Variants in KIAA0825 observed in about 807,000 individuals in gnomAD.
The protein encoded by KIAA0825 is KIAA0825.
KIAA0825 carries 119 observed loss-of-function variants against 147.6 expected under a neutral mutation model. That is an observed-to-expected ratio of 0.81 (90% CI 0.69 to 0.94). KIAA0825 has a LOEUF of 0.94. Among genes scored for constraint, KIAA0825 ranks in the 40% least tolerant of loss-of-function variants. The pLI, the probability that KIAA0825 is intolerant of heterozygous loss-of-function variation, is 0.00. For synonymous variants in KIAA0825, 470 were observed against 518.1 expected, an observed-to-expected ratio of 0.91 and a Z score of 1.26; for missense variants, 1,381 against 1,472.7, an observed-to-expected ratio of 0.94 and a Z score of 1.02.
At chr5:94,363,536 C>T (rs752080695) in intron 20 of KIAA0825, among the ~76,000 whole-genome samples, 11 of 152,152 alleles carry the variant, frequency 7.2e-5, no homozygotes, top group East Asian at 1.9e-4. Context: ...ATACAACATC[C>T]GCATTGTTTA....
chr5:94,247,609 A>G (rs1039460755), intron 20 of KIAA0825, among the ~76,000 whole-genome samples: 5 of 152,160 alleles, frequency 3.3e-5, no homozygotes, highest in Non-Finnish European at 7.3e-5. Context: ...CCCTTTATCC[A>G]GCACGTATTT....
At chr5:94,207,922 G>T (rs145563645) in intron 20 of KIAA0825, among the ~76,000 whole-genome samples, 2 of 152,214 alleles carry the variant, frequency 1.3e-5, no homozygotes, top group African/African-American at 4.8e-5. Context: ...AGGCATAGTT[G>T]AACAATTGCC....
chr5:94,270,510 T>C (rs1458011117), intron 20 of KIAA0825, among the ~76,000 whole-genome samples: 1 of 151,822 alleles, frequency 6.6e-6, no homozygotes, highest in Non-Finnish European at 1.5e-5. Flanking sequence ...GACTGGAACA[T>C]ATTATAAGGC....
rs1276459836 is a variant in KIAA0825, at chr5:94,218,662, C to T, written c.3711-64538G>A. On this transcript the variant is annotated intron_variant, in intron 20 of 20. Coordinates refer to ENST00000682413, the MANE Select transcript of KIAA0825 (RefSeq NM_001145678.3). ...AACATACCACAGAGTTGATTTCATG[C>T]TATGATTAAATTGGAGTGCCTTGTC... is the stretch of plus-strand genomic sequence containing the variant. 5.3e-5 allele frequency among the ~76,000 whole-genome samples: 8 copies of T among 152,164 alleles called. No individual in the cohort carries two copies. In the South Asian group the frequency reaches 1.7e-3, roughly 32 times the overall value.
intron 2 of KIAA0825, among the ~76,000 whole-genome samples, chr5:94,547,708 G>A (rs1382714964): frequency 6.8e-6 from 1 of 147,356 alleles, no homozygotes; most frequent in East Asian, 2.0e-4. Context: ...GTGCACTCCA[G>A]CCTGCACGAC....
intron 5 of KIAA0825, among the ~76,000 whole-genome samples, chr5:94,487,911 C>T (rs1005685152): frequency 1.3e-5 from 2 of 152,070 alleles, no homozygotes; most frequent in African/African-American, 4.8e-5. Context: ...CAAGATTGTG[C>T]CACTGCACTC....
At chr5:94,548,560 A>C (rs1185721625) in intron 2 of KIAA0825, among the ~76,000 whole-genome samples, 1 of 152,220 alleles carries the variant, frequency 6.6e-6, no homozygotes, top group Non-Finnish European at 1.5e-5. Flanking sequence ...GTAAGTCCTT[A>C]CTTATCAATA....
intron 20 of KIAA0825, among the ~76,000 whole-genome samples, chr5:94,255,331 G>T (rs1776188551): frequency 6.6e-6 from 1 of 151,790 alleles, no homozygotes; most frequent in Non-Finnish European, 1.5e-5. Context: ...TTATAAGAGT[G>T]CCTAAAACAT....
At chr5:94,503,385 G>A (rs990666517) in intron 5 of KIAA0825, among the ~76,000 whole-genome samples, 2 of 152,114 alleles carry the variant, frequency 1.3e-5, no homozygotes, top group Non-Finnish European at 1.5e-5. Context: ...TTTCACAAAT[G>A]TATATTATTT....
intron 20 of KIAA0825, among the ~76,000 whole-genome samples, chr5:94,163,350 T>C (rs951561046): frequency 2.0e-5 from 3 of 152,174 alleles, no homozygotes; most frequent in Non-Finnish European, 4.4e-5. Flanking sequence ...AAAAACTAAA[T>C]GTTTAATTTA....
At chr5:94,190,258 G>T (rs1294633067) in intron 20 of KIAA0825, among the ~76,000 whole-genome samples, 1 of 152,086 alleles carries the variant, frequency 6.6e-6, no homozygotes, top group Non-Finnish European at 1.5e-5. Flanking sequence ...TTATTCGCAT[G>T]CTTTCTGTTT....
intron 2 of KIAA0825, among the ~76,000 whole-genome samples, chr5:94,553,937 T>C (rs1776049818): frequency 6.6e-6 from 1 of 152,212 alleles, no homozygotes; most frequent in African/African-American, 2.4e-5. Flanking sequence ...GACTATTTTG[T>C]TCATCAATAC....
At chr5:94,332,953 G>A (rs973215034) in intron 20 of KIAA0825, among the ~76,000 whole-genome samples, 3 of 152,080 alleles carry the variant, frequency 2.0e-5, no homozygotes, top group Non-Finnish European at 2.9e-5. Context: ...TTGTGGTTTT[G>A]ATTTGCATTT....
intron 14 of KIAA0825, among the ~76,000 whole-genome samples, chr5:94,418,428 G>A (rs1257077732): frequency 6.6e-6 from 1 of 151,852 alleles, no homozygotes; most frequent in Non-Finnish European, 1.5e-5. Flanking sequence ...AGGTATCCCT[G>A]CTCCTATCTG....
chr5:94,433,554 T>C (rs577407209), intron 14 of KIAA0825, among the ~76,000 whole-genome samples: 5 of 152,226 alleles, frequency 3.3e-5, no homozygotes, highest in Non-Finnish European at 5.9e-5. Context: ...CATGTGGTGC[T>C]GTGTGAATGG....
chr5:94,462,499 G>C lies in KIAA0825; in HGVS notation c.2134C>G (p.Leu712Val). 6.5e-7 allele frequency: 1 copy of C among 1,545,698 alleles called. No homozygotes were observed. The change falls in exon 12 of 21, where the codon CTT becomes GTT. Residue 712 changes from leucine to valine, a missense_variant. Coordinates refer to ENST00000682413, the MANE Select transcript of KIAA0825 (RefSeq NM_001145678.3). ...LWSVCTSVQK[L>V]LNPHQHTDDK... ...TCTGTATGCTGATGAGGATTCAAAA[G>C]TTTCTGTACAGATGTACAAACTGAC... is the stretch of plus-strand genomic sequence containing the variant.
intron 1 of KIAA0825, among the ~76,000 whole-genome samples, chr5:94,614,759 T>C (rs1180322147): frequency 6.6e-6 from 1 of 152,202 alleles, no homozygotes; most frequent in Non-Finnish European, 1.5e-5. Flanking sequence ...CAATGATGTA[T>C]GTAAATTGCC....
intron 20 of KIAA0825, among the ~76,000 whole-genome samples, chr5:94,378,953 T>C (rs1048245126): frequency 2.6e-5 from 4 of 152,216 alleles, no homozygotes; most frequent in African/African-American, 9.6e-5. Context: ...ATGGGGTTGT[T>C]TGCTTTTTGC....
Position 94,264,164 on chromosome 5 carries a change from G to T in KIAA0825, c.3711-110040C>A, listed in dbSNP as rs181623543. 1.1e-3 allele frequency among the ~76,000 whole-genome samples: 163 copies of T among 152,066 alleles called. 1 individual carries two copies. Among genetic ancestry groups the T allele is most frequent in the African/African-American group, 3.8e-3 (159 of 41,490 alleles). ...CATCTCTTAACGTACAATCTTTTCT[G>T]TCTGCCCCCAAGCTGAATTGATTGA... On this transcript the variant is annotated intron_variant, in intron 20 of 20. Transcript: ENST00000682413.
Sources: gnomAD v4.1 joint callset for allele counts (sites outside exome capture counted in the v4.1 genomes callset) on GRCh38, gnomAD v4.1.1 for gene constraint, MANE v1.5 for transcripts, NCBI Gene and HGNC (gene_info 2026-07-23, HGNC 2026-07-21) for gene names.